CSMD1: variants seen among roughly 807,000 people sequenced by gnomAD.
The protein encoded by CSMD1 is CUB and sushi domain-containing protein 1.
CSMD1 carries 213 observed loss-of-function variants against 417.5 expected under a neutral mutation model. The ratio of observed to expected loss-of-function variants is 0.51; its 90% confidence interval spans 0.46 to 0.57. CSMD1 has a LOEUF of 0.57. Ranked by LOEUF, CSMD1 falls within the 20% of genes least tolerant of loss-of-function variation. CSMD1 has a pLI of 0.00. For synonymous variants in CSMD1, 2,862 were observed against 1,736.8 expected (o/e 1.65, Z -16.11); for missense variants, 6,923 against 4,529.7 (o/e 1.53, Z -15.17).
intron 41 of CSMD1, 98 bp downstream of exon 41, chr8:3,142,367 C>G: frequency 2.8e-6 from 3 of 1,065,560 alleles, no homozygotes; most frequent in Non-Finnish European, 2.8e-6. Context: ...TCCACTCGTA[C>G]AAGCTTGGAA....
At chr8:4,248,184 A>G (rs1248413903) in intron 3 of CSMD1, among the ~76,000 whole-genome samples, 1 of 152,178 alleles carries the variant, frequency 6.6e-6, no homozygotes, top group Non-Finnish European at 1.5e-5. Context: ...GAAGCCCTGG[A>G]AATTTCATGA....
intron 2 of CSMD1, among the ~76,000 whole-genome samples, chr8:4,545,630 C>T (rs1186941241): frequency 6.6e-5 from 10 of 152,128 alleles, no homozygotes; most frequent in South Asian, 6.2e-4. Context: ...TTGGCTGGTT[C>T]GTGGCTAGGA....
intron 6 of CSMD1, among the ~76,000 whole-genome samples, chr8:3,737,903 T>C (rs1796605671): frequency 6.6e-6 from 1 of 152,232 alleles, no homozygotes; most frequent in Non-Finnish European, 1.5e-5. Flanking sequence ...CCTCAAACTC[T>C]GACTTGCTTG....
chr8:3,718,481 C>CAG (rs1801965223), intron 6 of CSMD1, among the ~76,000 whole-genome samples: 1 of 152,198 alleles, frequency 6.6e-6, no homozygotes, highest in South Asian at 2.1e-4. Flanking sequence ...CCAGGAAAGA[C>CAG]AGAGGTACTT....
chr8:4,353,842 G>T (rs536895758), intron 3 of CSMD1, among the ~76,000 whole-genome samples: 1 of 152,098 alleles, frequency 6.6e-6, no homozygotes, highest in Non-Finnish European at 1.5e-5. Flanking sequence ...TCAGTGACCC[G>T]CACTTAATTA....
intron 40 of CSMD1, among the ~76,000 whole-genome samples, chr8:3,145,445 T>G (rs2406358): frequency 0.16 from 24,110 of 152,036 alleles, 2,719 homozygotes; most frequent in East Asian, 0.38. Flanking sequence ...TGCAAAGAAA[T>G]GGAGGACATC....
At chr8:4,405,612 G>GA (rs981684237) in intron 3 of CSMD1, among the ~76,000 whole-genome samples, 4 of 152,012 alleles carry the variant, frequency 2.6e-5, no homozygotes, top group African/African-American at 7.2e-5. Context: ...AATCAAAAAA[G>GA]AAAAAAAGAA....
At chr8:3,190,847 TAAGC>T (rs1217922933) in intron 33 of CSMD1, among the ~76,000 whole-genome samples, 1 of 152,162 alleles carries the variant, frequency 6.6e-6, no homozygotes, top group African/African-American at 2.4e-5. Context: ...CTAAGTGAAA[TAAGC>T]AAATAAGCAG....
chr8:4,045,131 G>A (rs1159326385), intron 3 of CSMD1, among the ~76,000 whole-genome samples: 2 of 152,264 alleles, frequency 1.3e-5, no homozygotes, highest in Admixed American at 1.3e-4. Flanking sequence ...CACCACCTGT[G>A]CCCTCCCACC....
intron 23 of CSMD1, among the ~76,000 whole-genome samples, chr8:3,318,772 A>G (rs1805953401): frequency 6.6e-6 from 1 of 152,122 alleles, no homozygotes; most frequent in African/African-American, 2.4e-5. Flanking sequence ...TGTGGAAGCC[A>G]GATCCGAGCA....
At chr8:4,068,005 G>C (rs2013687) in intron 3 of CSMD1, among the ~76,000 whole-genome samples, 1,626 of 152,166 alleles carry the variant, frequency 0.011, 32 homozygotes, top group African/African-American at 0.038. Flanking sequence ...TGAACCCTGA[G>C]TGGGGGCGAA....
At chr8:3,848,520 G>C (rs116976559) in intron 5 of CSMD1, among the ~76,000 whole-genome samples, 17 of 152,260 alleles carry the variant, frequency 1.1e-4, no homozygotes, top group African/African-American at 2.9e-4. Context: ...GCAAAAGCCT[G>C]AGAAGTTACT....
intron 1 of CSMD1, among the ~76,000 whole-genome samples, chr8:4,891,733 C>G (rs1314783299): frequency 6.6e-6 from 1 of 152,068 alleles, no homozygotes; most frequent in Admixed American, 6.6e-5. Context: ...AAATAAAATA[C>G]TGAATTAATT....
At chr8:3,017,432 C>T (rs570634722) in intron 52 of CSMD1, among the ~76,000 whole-genome samples, 5 of 152,192 alleles carry the variant, frequency 3.3e-5, no homozygotes, top group South Asian at 2.1e-4. Context: ...GGACACCCAA[C>T]GACAGACACA....
chr8:4,622,212 A>C (rs548237756), intron 2 of CSMD1, among the ~76,000 whole-genome samples: 1 of 152,044 alleles, frequency 6.6e-6, no homozygotes, highest in African/African-American at 2.4e-5. Flanking sequence ...TTGACCTGAC[A>C]TTACCTGGAG....
chr8:3,182,621 T>TCTCTTTATAA (rs1821422078), intron 36 of CSMD1, among the ~76,000 whole-genome samples: 1 of 60,606 alleles, frequency 1.7e-5, no homozygotes. Context: ...TGTGTGTGTG[T>TCTCTTTATAA]GTGTGTGTGT....
chr8:3,324,123 T>G (rs796406046), intron 23 of CSMD1, among the ~76,000 whole-genome samples: 1 of 131,142 alleles, frequency 7.6e-6, no homozygotes, highest in Non-Finnish European at 1.6e-5. Flanking sequence ...CCTTTCATCA[T>G]GGTTAAAATA....
At chr8:4,067,028 G>C (rs146570990) in intron 3 of CSMD1, among the ~76,000 whole-genome samples, 168 of 152,334 alleles carry the variant, frequency 1.1e-3, no homozygotes, top group African/African-American at 3.8e-3. Flanking sequence ...TCTTAGTTTT[G>C]TGTATGATGA....
chr8:3,845,735 C>G (rs1803461906), intron 5 of CSMD1, among the ~76,000 whole-genome samples: 1 of 152,078 alleles, frequency 6.6e-6, no homozygotes, highest in African/African-American at 2.4e-5. Flanking sequence ...ATCTTTTTTA[C>G]TCTTACAATA....
Sources: allele counts gnomAD v4.1 joint callset (sites outside exome capture counted in the v4.1 genomes callset), GRCh38; gene constraint gnomAD v4.1.1; transcripts MANE v1.5; gene names NCBI Gene and HGNC (gene_info 2026-07-23, HGNC 2026-07-21).